Variants in CSPP1 observed in about 807,000 individuals in gnomAD.
CSPP1 encodes the protein centrosome and spindle pole-associated protein 1.
A neutral mutation model predicts 164.4 loss-of-function variants in CSPP1; 126 were observed. That is an observed-to-expected ratio of 0.77 (90% confidence interval 0.66 to 0.89). CSPP1 has a LOEUF of 0.89. Among genes scored for constraint, CSPP1 ranks in the 40% least tolerant of loss-of-function variants. CSPP1 has a pLI of 0.00. For synonymous variants in CSPP1, 472 were observed against 476.7 expected, an observed-to-expected ratio of 0.99 and a Z score of 0.13; for missense variants, 1,395 against 1,449.8, an observed-to-expected ratio of 0.96 and a Z score of 0.61.
At chr8:67,140,552 GGTAA>G (rs1465543040) in intron 17 of CSPP1, among the ~76,000 whole-genome samples, 11 of 152,200 alleles carry the variant, frequency 7.2e-5, no homozygotes, top group Admixed American at 7.2e-4. Context: ...TATTTTAATA[GGTAA>G]GTGTTTACTT....
At chr8:67,104,436 T>A (rs993781496) in intron 8 of CSPP1, among the ~76,000 whole-genome samples, 4 of 151,932 alleles carry the variant, frequency 2.6e-5, no homozygotes, top group Non-Finnish European at 5.9e-5. Flanking sequence ...GCTAGTTTTT[T>A]AAAAAATTTT....
rs778466827 is a variant in CSPP1 at position 67,095,772 on chromosome 8, G to A, written c.923+40G>A. 1.0e-5 allele frequency: 12 copies of A among 1,185,504 alleles called. No individual in the cohort carries two copies. In the East Asian group the frequency reaches 2.8e-4, roughly 28 times the overall value. The allele number at this position is 1,185,504 out of a possible 1,614,324, so 73.4% of individuals were successfully genotyped here. A position where few individuals can be genotyped will look rare whatever the true frequency, so the allele number is the denominator to read the frequency against. On this transcript the variant is annotated intron_variant, in intron 7 of 30. Coordinates refer to ENST00000678616, the MANE Select transcript of CSPP1 (RefSeq NM_001382391.1). ...ATTTTTATTTTATTTGCTTAATATA[G>A]CAAATTAATTGTTAATATTTGCTGT...
At chr8:67,083,724 G>T (rs1038599001) in intron 3 of CSPP1, 2 of 151,504 alleles carry the variant, frequency 1.3e-5, no homozygotes, top group Admixed American at 1.3e-4. Flanking sequence ...TTCCTGGATG[G>T]GCAGGTAGTG....
chr8:67,181,415 A>G (rs968990590), intron 28 of CSPP1, among the ~76,000 whole-genome samples: 2 of 150,614 alleles, frequency 1.3e-5, no homozygotes, highest in African/African-American at 4.9e-5. Flanking sequence ...GAAAGATAAA[A>G]CCAGCAGGAG....
intron 15 of CSPP1, among the ~76,000 whole-genome samples, chr8:67,122,480 C>T: frequency 6.6e-6 from 1 of 152,154 alleles, no homozygotes; most frequent in East Asian, 1.9e-4. Context: ...AAAATTTCTT[C>T]ATCAACCTGT....
At chr8:67,113,357 G>A (rs1315742963) in intron 10 of CSPP1, among the ~76,000 whole-genome samples, 1 of 152,038 alleles carries the variant, frequency 6.6e-6, no homozygotes, top group African/African-American at 2.4e-5. Flanking sequence ...CTCAGAGGAA[G>A]CCAATATCTA....
rs772131908 is a variant in CSPP1, at chr8:67,137,570, G to A, written c.1942G>A (p.Ala648Thr). The A allele has an allele frequency of 1.7e-5, 27 of 1,591,134 alleles. No individual in the cohort carries two copies. The highest frequency in any genetic ancestry group is 2.2e-5 in the Non-Finnish European group (26 of 1,169,766). Reference protein sequence around the residue: ...YNPWGKGGGGAPLRDAKGNLI... With the variant: ...YNPWGKGGGGTPLRDAKGNLI... ...TCCCTGGGGAAAAGGTGGAGGTGGT[G>A]CTCCTCTCAGGGATGCAAAAGGAAA... Residue 648 changes from alanine to threonine, a missense_variant, in exon 17 of 31, where the codon GCT becomes ACT. Ala to Thr is a moderately conservative substitution (Grantham distance 58). Transcript: ENST00000678616.
intron 17 of CSPP1, among the ~76,000 whole-genome samples, chr8:67,143,912 C>A (rs1358712955): frequency 1.3e-5 from 2 of 152,206 alleles, no homozygotes; most frequent in East Asian, 1.9e-4. Flanking sequence ...TTACTTATTT[C>A]TTTCCAATCT....
At chr8:67,186,970 CATCTATCTATCTATCT>C (rs59504632) in intron 28 of CSPP1, among the ~76,000 whole-genome samples, 1,843 of 149,862 alleles carry the variant, frequency 0.012, 40 homozygotes, top group African/African-American at 0.043. Flanking sequence ...ATCTATCTAT[CATCTATCTATCTATCT>C]ATCTATCTAT....
chr8:67,114,739 C>G (rs1817580013), intron 12 of CSPP1: 1 of 152,060 alleles, frequency 6.6e-6, no homozygotes, highest in Admixed American at 6.5e-5. Flanking sequence ...TCAAAAGTTT[C>G]CTTTTAAGAG....
intron 4 of CSPP1, chr8:67,086,332 A>G (rs1427596331): frequency 1.8e-6 from 1 of 564,684 alleles, no homozygotes; most frequent in East Asian, 3.5e-5. Flanking sequence ...CCTTTTGACT[A>G]AGGCAGTGGA....
intron 17 of CSPP1, among the ~76,000 whole-genome samples, chr8:67,148,885 T>C (rs1825137219): frequency 1.3e-5 from 2 of 152,230 alleles, no homozygotes; most frequent in South Asian, 2.1e-4. Flanking sequence ...GTATTAGATA[T>C]CTATTCTATG....
At chr8:67,067,853 CTTTT>C (rs1238441914) in intron 1 of CSPP1, among the ~76,000 whole-genome samples, 4 of 137,094 alleles carry the variant, frequency 2.9e-5, no homozygotes, top group Non-Finnish European at 3.2e-5. Context: ...CTGTTGATTT[CTTTT>C]TTTTTTTTTT....
chr8:67,195,586 A>T lies in CSPP1; in HGVS notation c.3674A>T (p.His1225Leu). The T allele has an allele frequency of 1.2e-6, 2 of 1,613,976 alleles. No individual in the cohort carries two copies. The highest frequency in any genetic ancestry group is 8.5e-7 in the Non-Finnish European group (1 of 1,179,896). The part of the protein sequence containing the change: ...TFTWQGLSTA[H>L]G ...ACTTGGCAGGGCCTGTCGACTGCAC[A>T]TGGTTAAAATAAACCTGTACTGGAC... is the stretch of plus-strand genomic sequence containing the variant. Residue 1225 changes from histidine (H) to leucine (L), a missense_variant, in exon 31 of 31, where the codon CAT becomes CTT. By Grantham distance (99) the His-to-Leu change is moderately conservative (BLOSUM62 -3). Transcript: ENST00000678616.
At chr8:67,190,821 C>A in intron 29 of CSPP1, 62 bp downstream of exon 29, 1 of 1,222,608 alleles carries the variant, frequency 8.2e-7, no homozygotes, top group Non-Finnish European at 1.2e-6. Context: ...GGGTTCTGAC[C>A]TGTGCTAAAT....
chr8:67,195,681 A>T lies in CSPP1; in HGVS notation c.*88A>T. The T allele has an allele frequency of 9.3e-7, 1 of 1,073,720 alleles. No homozygotes were observed. Among genetic ancestry groups the T allele is most frequent in the Non-Finnish European group, 1.4e-6 (1 of 734,064 alleles). 66.5% of individuals were successfully genotyped at this position (1,073,720 alleles called of 1,614,324 possible). ...TTAATATGTCCTACTTTTGGCCCCT[A>T]CCTGAAAGTTACTTTTTTTCCATCA... On this transcript the variant is annotated 3_prime_UTR_variant, in exon 31 of 31. Coordinates refer to ENST00000678616, the MANE Select transcript of CSPP1 (RefSeq NM_001382391.1).
At chr8:67,123,456 CAATTTA>C (rs1032879495) in intron 15 of CSPP1, among the ~76,000 whole-genome samples, 1 of 152,078 alleles carries the variant, frequency 6.6e-6, no homozygotes, top group African/African-American at 2.4e-5. Flanking sequence ...TATTTACTCT[CAATTTA>C]TTTGTCTTTG....
chr8:67,094,159 A>G (rs966775218), intron 6 of CSPP1, among the ~76,000 whole-genome samples: 1 of 138,056 alleles, frequency 7.2e-6, no homozygotes, highest in African/African-American at 2.7e-5. Flanking sequence ...TGATTGATGT[A>G]TCTGGGGCCA....
intron 17 of CSPP1, among the ~76,000 whole-genome samples, chr8:67,145,783 A>G (rs533821240): frequency 6.6e-6 from 1 of 152,074 alleles, no homozygotes; most frequent in Non-Finnish European, 1.5e-5. Context: ...TCAGCCTCCG[A>G]AAGTGCTGGG....
Sources: gnomAD v4.1 joint callset for allele counts (sites outside exome capture counted in the v4.1 genomes callset) on GRCh38, gnomAD v4.1.1 for gene constraint, MANE v1.5 for transcripts, NCBI Gene and HGNC (gene_info 2026-07-23, HGNC 2026-07-21) for gene names.